Variants in FRMD4A observed in about 807,000 individuals in gnomAD.
FRMD4A encodes the protein FERM domain containing 4A, also known as FERM domain-containing protein 4A.
FRMD4A carries 29 observed loss-of-function variants against 129.1 expected under a neutral mutation model. The observed-to-expected ratio is 0.22, with a 90% CI of 0.17 to 0.31. The LOEUF (loss-of-function observed/expected upper bound fraction) is 0.31. Ranked by LOEUF, FRMD4A falls within the 10% of genes least tolerant of loss-of-function variation. The pLI, the probability that FRMD4A is intolerant of heterozygous loss-of-function variation, is 1.00. For synonymous variants in FRMD4A, 634 were observed against 571.6 expected, an observed-to-expected ratio of 1.11 and a Z score of -1.56; for missense variants, 1,272 against 1,375.8, an observed-to-expected ratio of 0.92 and a Z score of 1.19.
chr10:14,262,703 G>A (rs574086215), intron 2 of FRMD4A, among the ~76,000 whole-genome samples: 2 of 152,208 alleles, frequency 1.3e-5, no homozygotes, highest in South Asian at 2.1e-4. Flanking sequence ...CAGAGCTTCC[G>A]AGACAAATTA....
chr10:13,943,110 A>G (rs2095305596), intron 2 of FRMD4A, among the ~76,000 whole-genome samples: 1 of 152,146 alleles, frequency 6.6e-6, no homozygotes, highest in South Asian at 2.1e-4. Context: ...CACACATTAC[A>G]ATTACATTTG....
chr10:13,649,382 G>C (rs1242726555), intron 24 of FRMD4A: 5 of 152,240 alleles, frequency 3.3e-5, no homozygotes, highest in Admixed American at 1.3e-4. Context: ...TTCTCCTGTG[G>C]TTCATTATGG....
chr10:13,964,704 G>A (rs1296194448), intron 2 of FRMD4A, among the ~76,000 whole-genome samples: 64 of 138,590 alleles, frequency 4.6e-4, no homozygotes, highest in Non-Finnish European at 6.8e-4. Context: ...ACAGAGTTTC[G>A]CTCTGTCACC....
At chr10:13,743,563 A>G (rs1336753958) in intron 9 of FRMD4A, among the ~76,000 whole-genome samples, 1 of 152,182 alleles carries the variant, frequency 6.6e-6, no homozygotes, top group Non-Finnish European at 1.5e-5. Flanking sequence ...AGTGAAAGAA[A>G]GTCAAAACCA....
At chr10:13,900,941 T>C (rs1411498260) in intron 2 of FRMD4A, among the ~76,000 whole-genome samples, 2 of 152,194 alleles carry the variant, frequency 1.3e-5, no homozygotes, top group Non-Finnish European at 2.9e-5. Context: ...TAAAACTTAG[T>C]TGGCATTTAC....
chr10:13,965,337 A>G (rs757732092), intron 2 of FRMD4A, among the ~76,000 whole-genome samples: 1 of 152,178 alleles, frequency 6.6e-6, no homozygotes, highest in Non-Finnish European at 1.5e-5. Flanking sequence ...GAAGAGAAAG[A>G]AGGTTTAAAA....
intron 2 of FRMD4A, among the ~76,000 whole-genome samples, chr10:13,989,140 TCA>T (rs1157784143): frequency 2.6e-5 from 4 of 152,112 alleles, no homozygotes; most frequent in African/African-American, 4.8e-5. Context: ...GAGGGGGGTC[TCA>T]GTCTTCCAGC....
chr10:13,775,396 A>G (rs10737081), intron 6 of FRMD4A, among the ~76,000 whole-genome samples: 82,422 of 152,094 alleles, frequency 0.54, 23,966 homozygotes, highest in East Asian at 0.86. Context: ...GGGCTTTTCC[A>G]GAGCAACGCC....
intron 2 of FRMD4A, among the ~76,000 whole-genome samples, chr10:14,084,613 G>A (rs1397048147): frequency 2.0e-5 from 3 of 152,146 alleles, no homozygotes; most frequent in Non-Finnish European, 4.4e-5. Context: ...GCACACTTTT[G>A]ATATGCAAAC....
chr10:13,721,957 T>C (rs1218461051), intron 12 of FRMD4A, among the ~76,000 whole-genome samples: 1 of 152,172 alleles, frequency 6.6e-6, no homozygotes, highest in African/African-American at 2.4e-5. Flanking sequence ...CAGTCAAACG[T>C]GAGGACGGAG....
At chr10:14,058,916 T>A (rs1834674510) in intron 2 of FRMD4A, among the ~76,000 whole-genome samples, 1 of 141,916 alleles carries the variant, frequency 7.0e-6, no homozygotes, top group Non-Finnish European at 1.5e-5. Context: ...ACCCTTGGTT[T>A]AGAAGGTGGT....
intron 2 of FRMD4A, among the ~76,000 whole-genome samples, chr10:14,101,065 C>T (rs1837276128): frequency 6.6e-6 from 1 of 152,158 alleles, no homozygotes; most frequent in African/African-American, 2.4e-5. Context: ...CCCTGAACCA[C>T]CCCAGGTTTC....
chr10:13,858,031 G>C (rs1564922689), intron 3 of FRMD4A, among the ~76,000 whole-genome samples: 3 of 152,202 alleles, frequency 2.0e-5, no homozygotes, highest in Non-Finnish European at 2.9e-5. Flanking sequence ...GCTCACAAGT[G>C]ATGCCAATGT....
chr10:14,327,602 A>G (rs1392733967), intron 2 of FRMD4A, among the ~76,000 whole-genome samples: 1 of 152,216 alleles, frequency 6.6e-6, no homozygotes, highest in Admixed American at 6.5e-5. Context: ...CCAATTAAAC[A>G]TGCTCTGCCC....
At chr10:13,965,852 G>C (rs2095482257) in intron 2 of FRMD4A, among the ~76,000 whole-genome samples, 1 of 152,182 alleles carries the variant, frequency 6.6e-6, no homozygotes, top group Non-Finnish European at 1.5e-5. Flanking sequence ...AGAGATCAAA[G>C]ACCAGGCAAC....
At chr10:13,765,614 G>C (rs2130716216) in intron 6 of FRMD4A, among the ~76,000 whole-genome samples, 1 of 152,308 alleles carries the variant, frequency 6.6e-6, no homozygotes, top group East Asian at 1.9e-4. Context: ...ACTCATGAGA[G>C]CCTACGGAAG....
chr10:14,272,134 GT>G (rs1314255534), intron 2 of FRMD4A, among the ~76,000 whole-genome samples: 1 of 151,860 alleles, frequency 6.6e-6, no homozygotes, highest in African/African-American at 2.4e-5. Flanking sequence ...ATAAAGGTTT[GT>G]TTTTTTTCTC....
intron 3 of FRMD4A, among the ~76,000 whole-genome samples, chr10:13,820,478 A>G (rs1458793435): frequency 6.6e-6 from 1 of 151,200 alleles, no homozygotes; most frequent in Non-Finnish European, 1.5e-5. Context: ...TTGTTAACCT[A>G]TTCCCTTGGG....
chr10:14,298,319 G>A (rs1412967290), intron 2 of FRMD4A, among the ~76,000 whole-genome samples: 3 of 152,124 alleles, frequency 2.0e-5, no homozygotes, highest in Non-Finnish European at 4.4e-5. Context: ...AATCCTCTTG[G>A]TCTAGTTTTC....
Sources: allele counts gnomAD v4.1 joint callset (sites outside exome capture counted in the v4.1 genomes callset), GRCh38; gene constraint gnomAD v4.1.1; transcripts MANE v1.5; gene names NCBI Gene and HGNC (gene_info 2026-07-23, HGNC 2026-07-21).